Variants in EXT2 observed in about 807,000 individuals in gnomAD.
The protein encoded by EXT2 is exostosin glycosyltransferase 2, also known as exostosin-2.
A neutral mutation model predicts 81.6 loss-of-function variants in EXT2; 53 were observed. The ratio of observed to expected loss-of-function variants is 0.65; its 90% CI spans 0.52 to 0.82. The LOEUF (loss-of-function observed/expected upper bound fraction) is 0.82. Among genes scored for constraint, EXT2 ranks in the 40% least tolerant of loss-of-function variants. The probability of loss-of-function intolerance (pLI) is 0.00; values close to 1 mark genes in which losing one functional copy is unlikely to be tolerated. For synonymous variants in EXT2, 320 were observed against 340.0 expected (o/e 0.94, Z 0.65); for missense variants, 774 against 910.2 (o/e 0.85, Z 1.93).
intron 4 of EXT2, among the ~76,000 whole-genome samples, chr11:44,115,433 G>A (rs1954208809): frequency 6.6e-6 from 1 of 152,058 alleles, no homozygotes; most frequent in African/African-American, 2.4e-5. Context: ...AAATGAAAAG[G>A]GCTGACAACA....
intron 9 of EXT2, among the ~76,000 whole-genome samples, chr11:44,204,033 T>G (rs10769022): frequency 0.22 from 32,886 of 152,176 alleles, 3,941 homozygotes; most frequent in Non-Finnish European, 0.28. Context: ...CCTTGTTATT[T>G]CTTCTCAACT....
chr11:44,200,631 C>T (rs959541254), intron 9 of EXT2, among the ~76,000 whole-genome samples: 12 of 152,216 alleles, frequency 7.9e-5, no homozygotes, highest in Admixed American at 7.2e-4. Flanking sequence ...GTAAAACCAG[C>T]AGCCACCTTC....
At chr11:44,104,497 TGAG>T (rs1159631518) in intron 1 of EXT2, 2 of 152,220 alleles carry the variant, frequency 1.3e-5, no homozygotes, top group Non-Finnish European at 2.9e-5. Flanking sequence ...ACAAAATACT[TGAG>T]GAGCTTGTTT....
At chr11:44,184,112 T>C (rs1955274682) in intron 8 of EXT2, among the ~76,000 whole-genome samples, 1 of 152,202 alleles carries the variant, frequency 6.6e-6, no homozygotes, top group Non-Finnish European at 1.5e-5. Flanking sequence ...TCACTGGAGG[T>C]TTCTGAACCA....
chr11:44,230,328 A>G (rs947165325), intron 10 of EXT2, among the ~76,000 whole-genome samples: 25 of 152,162 alleles, frequency 1.6e-4, no homozygotes, highest in Non-Finnish European at 1.5e-5. Context: ...TGACATGTGA[A>G]GGAGTTCGGA....
chr11:44,171,685 C>T lies in EXT2; in HGVS notation c.1248C>T (p.Asp416=), dbSNP rs752340612. The T allele has an allele frequency of 1.2e-6, 2 of 1,614,142 alleles. No homozygotes were observed. Among genetic ancestry groups the T allele is most frequent in the South Asian group, 1.1e-5 (1 of 91,080 alleles). The stretch of plus-strand genomic sequence containing the variant: ...TGGCCACCCTGCAGATTATCAATGA[C>T]CGGATCTATCCATATGCTGCCATCT... ...IALATLQIIN[D]RIYPYAAISY... Residue 416 remains aspartate, a synonymous_variant, in exon 8 of 14, where the codon GAC becomes GAT. Coordinates refer to ENST00000533608, the MANE Select transcript of EXT2 (RefSeq NM_207122.2).
intron 9 of EXT2, among the ~76,000 whole-genome samples, chr11:44,200,195 C>T (rs142678097): frequency 6.7e-6 from 1 of 149,476 alleles, no homozygotes; most frequent in South Asian, 2.1e-4. Flanking sequence ...ATATTAGAGG[C>T]AAAAGTGATG....
chr11:44,133,819 T>G (rs1261461973), intron 7 of EXT2, among the ~76,000 whole-genome samples: 2 of 152,154 alleles, frequency 1.3e-5, no homozygotes, highest in Non-Finnish European at 2.9e-5. Flanking sequence ...TTTTGCAGCT[T>G]AGAGTTTAGG....
chr11:44,201,216 T>C (rs1486586547), intron 9 of EXT2, among the ~76,000 whole-genome samples: 1 of 152,192 alleles, frequency 6.6e-6, no homozygotes, highest in Admixed American at 6.5e-5. Flanking sequence ...GCAATAGAAG[T>C]TGGGCCTGAA....
chr11:44,224,136 T>C (rs1338354535), intron 10 of EXT2, among the ~76,000 whole-genome samples: 1 of 152,226 alleles, frequency 6.6e-6, no homozygotes, highest in Non-Finnish European at 1.5e-5. Context: ...CATGTGAATC[T>C]ATAATTATCT....
At chr11:44,151,428 C>T (rs1234961454) in intron 7 of EXT2, among the ~76,000 whole-genome samples, 2 of 152,072 alleles carry the variant, frequency 1.3e-5, no homozygotes, top group Non-Finnish European at 2.9e-5. Context: ...TTTTTACTGT[C>T]TCTGTGGTTT....
intron 1 of EXT2, among the ~76,000 whole-genome samples, chr11:44,105,117 G>T (rs558775420): frequency 6.4e-4 from 97 of 152,226 alleles, no homozygotes; most frequent in Non-Finnish European, 1.2e-3. Flanking sequence ...TACTCAGCTC[G>T]CTAGGCAGGA....
At chr11:44,132,034 C>G (rs1954501082) in intron 7 of EXT2, among the ~76,000 whole-genome samples, 1 of 152,216 alleles carries the variant, frequency 6.6e-6, no homozygotes, top group South Asian at 2.1e-4. Flanking sequence ...CCACACCTGG[C>G]CCACTTTGTG....
intron 7 of EXT2, among the ~76,000 whole-genome samples, chr11:44,170,110 A>C (rs1955050194): frequency 6.6e-6 from 1 of 152,172 alleles, no homozygotes; most frequent in African/African-American, 2.4e-5. Flanking sequence ...CTGGACCATA[A>C]ATCAAGTTTA....
At chr11:44,119,175 TAC>T (rs151028121) in intron 4 of EXT2, among the ~76,000 whole-genome samples, 33,661 of 104,972 alleles carry the variant, frequency 0.32, 6,629 homozygotes, top group East Asian at 0.47. Context: ...TATATACACA[TAC>T]ACACACACAC....
intron 7 of EXT2, among the ~76,000 whole-genome samples, chr11:44,169,724 A>G (rs1955044812): frequency 6.6e-6 from 1 of 151,368 alleles, no homozygotes; most frequent in Non-Finnish European, 1.5e-5. Context: ...CAGATTTCAG[A>G]TTTTTTTTTA....
At chr11:44,102,534 C>CT (rs59752163) in intron 1 of EXT2, among the ~76,000 whole-genome samples, 2,508 of 106,100 alleles carry the variant, frequency 0.024, 50 homozygotes, top group African/African-American at 0.032. Flanking sequence ...CTGTCTCTCT[C>CT]TTTTTTTTTT....
At chr11:44,115,412 T>C (rs1047598040) in intron 4 of EXT2, among the ~76,000 whole-genome samples, 2 of 152,116 alleles carry the variant, frequency 1.3e-5, no homozygotes, top group African/African-American at 4.8e-5. Context: ...TATTTTAGTA[T>C]GTGAGGGAGT....
Position 44,195,224 on chromosome 11 carries a change from C to T in EXT2, c.1306-2605C>T, listed in dbSNP as rs553319212. On this transcript the variant is annotated intron_variant, in intron 8 of 13. Coordinates refer to ENST00000533608, the MANE Select transcript of EXT2 (RefSeq NM_207122.2). Reference sequence around the variant, plus strand: ...TTGAGGCAGGTGGATCACCTGAGGTCGGGAGTTCGAGACCAATCTTACCAA... The same window carrying T: ...TTGAGGCAGGTGGATCACCTGAGGTTGGGAGTTCGAGACCAATCTTACCAA... 6.7e-4 allele frequency among the ~76,000 whole-genome samples: 102 copies of T among 152,088 alleles called. 1 individual carries two copies. The highest frequency in any genetic ancestry group is 2.1e-3 in the African/African-American group (89 of 41,498).
Sources: gnomAD v4.1 joint callset for allele counts (sites outside exome capture counted in the v4.1 genomes callset) on GRCh38, gnomAD v4.1.1 for gene constraint, MANE v1.5 for transcripts, NCBI Gene and HGNC (gene_info 2026-07-23, HGNC 2026-07-21) for gene names.